The following WDR45B variants were observed in gnomAD, a reference collection of about 807,000 sequenced individuals.
The protein encoded by WDR45B is WD repeat domain phosphoinositide-interacting protein 3.
Under a neutral mutation model 44.6 loss-of-function variants are expected in WDR45B, and 20 were observed. The ratio of observed to expected loss-of-function variants is 0.45; its 90% CI spans 0.32 to 0.65. The LOEUF is 0.65. WDR45B is among the 30% of genes least tolerant of loss of function. WDR45B has a pLI of 0.05. For synonymous variants in WDR45B, 169 were observed against 164.9 expected, an observed-to-expected ratio of 1.02 and a Z score of -0.19; for missense variants, 323 against 430.2, an observed-to-expected ratio of 0.75 and a Z score of 2.20.
Position 82,633,305 on chromosome 17 carries a change from G to A in WDR45B, c.143-2283C>T, listed in dbSNP as rs1051494864. The stretch of plus-strand genomic sequence containing the variant: ...TTACAAACCACACATCTGATACAGT[G>A]CGTAATATCCAGAATATATGAAGGA... On this transcript the variant is annotated intron_variant, in intron 2 of 9. Coordinates refer to ENST00000392325, the MANE Select transcript of WDR45B (RefSeq NM_019613.4). 7.9e-5 allele frequency among the ~76,000 whole-genome samples: 12 copies of A among 152,166 alleles called. No individual in the cohort carries two copies. In the East Asian group the frequency reaches 1.7e-3, roughly 22 times the overall value.
At chr17:82,622,864 A>G (rs2045637644) in intron 5 of WDR45B, among the ~76,000 whole-genome samples, 1 of 152,026 alleles carries the variant, frequency 6.6e-6, no homozygotes, top group African/African-American at 2.4e-5. Flanking sequence ...AAAAGTCCAG[A>G]AAAAAAACCT....
Position 82,619,074 on chromosome 17 carries a change from G to A in WDR45B, c.673C>T (p.Arg225Ter), listed in dbSNP as rs786205510. Residue 225 changes from arginine to a stop codon, truncating the protein, a stop_gained, in exon 7 of 10, where the codon CGA becomes TGA. Coordinates refer to ENST00000392325, the MANE Select transcript of WDR45B (RefSeq NM_019613.4). LOFTEE classifies it high-confidence loss of function. ...TSSGHLIQEL[R>*]RGSQAANIYC... ...ATATTGGCTGCTTGAGATCCTCTTCGCAGTTCCTGGATTAAATGCCCTGAT... is the reference window on the plus strand; with the variant it reads ...ATATTGGCTGCTTGAGATCCTCTTCACAGTTCCTGGATTAAATGCCCTGAT... The A allele has an allele frequency of 2.5e-6, 4 of 1,614,134 alleles. No homozygotes were observed. Among genetic ancestry groups the A allele is most frequent in the South Asian group, 1.1e-5 (1 of 91,084 alleles).
intron 3 of WDR45B, chr17:82,629,549 C>T (rs887968304): frequency 6.1e-6 from 6 of 985,350 alleles, no homozygotes; most frequent in South Asian, 4.7e-5. Flanking sequence ...ATTACAGAAC[C>T]GCTCAAAGGC....
intron 5 of WDR45B, among the ~76,000 whole-genome samples, 161 bp downstream of exon 5, chr17:82,625,228 G>A (rs775048025): frequency 7.2e-5 from 11 of 152,196 alleles, no homozygotes; most frequent in Non-Finnish European, 1.5e-4. Context: ...ATGCTGAGCT[G>A]TGGGTCCTGG....
At chr17:82,645,256 C>A (rs1309192879) in intron 1 of WDR45B, among the ~76,000 whole-genome samples, 1 of 151,606 alleles carries the variant, frequency 6.6e-6, no homozygotes, top group African/African-American at 2.4e-5. Context: ...TCAGATCACG[C>A]CACTGCACTC....
rs773145101 is a variant in WDR45B at position 82,619,113 on chromosome 17, T to C, written c.634A>G (p.Ile212Val). The change falls in exon 7 of 10, where the codon ATA becomes GTA. Residue 212 changes from isoleucine (I) to valine (V), a missense_variant. Ile to Val is a conservative substitution (Grantham distance 29, BLOSUM62 3). Transcript: ENST00000392325. ...AAATGCCCTGATGAAGTATCAAATA[T>C]TCTTATAAGCGTCCCCTTTGAAAAA... ...TASEKGTLIRIFDTSSGHLIQ... is the reference protein window; with the variant it reads ...TASEKGTLIRVFDTSSGHLIQ... The C allele has an allele frequency of 4.3e-6, 7 of 1,614,204 alleles. No homozygotes were observed. In the East Asian group the frequency reaches 1.6e-4, roughly 36 times the overall value.
chr17:82,618,371 A>G (rs1456508551), intron 7 of WDR45B, among the ~76,000 whole-genome samples: 4 of 152,262 alleles, frequency 2.6e-5, no homozygotes, highest in Non-Finnish European at 5.9e-5. Context: ...GGGGGGCTGT[A>G]GGGACACCAC....
chr17:82,623,956 T>C (rs1221182375), intron 5 of WDR45B, among the ~76,000 whole-genome samples: 2 of 151,830 alleles, frequency 1.3e-5, no homozygotes, highest in South Asian at 2.1e-4. Flanking sequence ...TCATAAATCA[T>C]GGATGAGACG....
At chr17:82,632,063 G>C (rs1284992403) in intron 2 of WDR45B, among the ~76,000 whole-genome samples, 3 of 151,556 alleles carry the variant, frequency 2.0e-5, no homozygotes, top group Non-Finnish European at 4.4e-5. Context: ...CCTGGTGACA[G>C]AGCGAGACTC....
chr17:82,630,434 T>TCTA (rs2143314557), intron 3 of WDR45B, among the ~76,000 whole-genome samples: 1 of 152,166 alleles, frequency 6.6e-6, no homozygotes. Context: ...AGGAAAGCTA[T>TCTA]CTACTCCTCC....
intron 1 of WDR45B, among the ~76,000 whole-genome samples, chr17:82,646,997 C>A (rs1188872486): frequency 6.6e-6 from 1 of 152,026 alleles, no homozygotes; most frequent in African/African-American, 2.4e-5. Flanking sequence ...TTTGGGAGGC[C>A]GAGGCGGGTG....
chr17:82,643,518 C>T (rs182532260), intron 2 of WDR45B, among the ~76,000 whole-genome samples: 47 of 152,146 alleles, frequency 3.1e-4, no homozygotes, highest in Middle Eastern at 3.4e-3. Flanking sequence ...AGGGCAGAAC[C>T]AGGACTCAAA....
At chr17:82,647,824 CAG>C (rs2045999485) in intron 1 of WDR45B, among the ~76,000 whole-genome samples, 3 of 151,904 alleles carry the variant, frequency 2.0e-5, no homozygotes, top group African/African-American at 4.8e-5. Context: ...CTGAAAGGAA[CAG>C]GGGGCAAAAC....
At chr17:82,639,692 T>C (rs1384370121) in intron 2 of WDR45B, among the ~76,000 whole-genome samples, 1 of 151,154 alleles carries the variant, frequency 6.6e-6, no homozygotes, top group Non-Finnish European at 1.5e-5. Context: ...GCTGCTGGGC[T>C]GTGTCAGGTC....
At position 82,625,594 on chromosome 17, in the gene WDR45B, A is replaced by G. The variant is rs2045685229; in HGVS notation, c.333-111T>C. The G allele has an allele frequency of 1.5e-5, 17 of 1,097,680 alleles. No homozygotes were observed. In the South Asian group the frequency reaches 2.2e-4, roughly 14 times the overall value. 68.0% of individuals were successfully genotyped at this position (1,097,680 alleles called of 1,614,324 possible). ...GAGAAACACTGAAAATACCACACAG[A>G]AAAGGAGTGTTCCTGAAGAAAAAGC... On this transcript the variant is annotated intron_variant, in intron 4 of 9. Coordinates refer to ENST00000392325, the MANE Select transcript of WDR45B (RefSeq NM_019613.4).
intron 2 of WDR45B, among the ~76,000 whole-genome samples, chr17:82,643,437 G>A (rs561496792): frequency 4.0e-4 from 60 of 149,652 alleles, no homozygotes; most frequent in Admixed American, 1.1e-3. Context: ...CGTCTCGGAA[G>A]AAGGAAAAAA....
chr17:82,646,077 C>G (rs1281745693), intron 1 of WDR45B, among the ~76,000 whole-genome samples: 1 of 150,674 alleles, frequency 6.6e-6, no homozygotes, highest in East Asian at 1.9e-4. Context: ...GCTGAGATCA[C>G]GCCACAGCAC....
chr17:82,646,901 T>C (rs1049455882), intron 1 of WDR45B, among the ~76,000 whole-genome samples: 15 of 152,164 alleles, frequency 9.9e-5, no homozygotes, highest in Admixed American at 6.5e-5. Flanking sequence ...TCCCAGGGCA[T>C]CAGGCATCAA....
At chr17:82,616,786 A>C (rs1229314123) in intron 8 of WDR45B, 141 bp from the exon 9 acceptor site, 1 of 1,102,902 alleles carries the variant, frequency 9.1e-7, no homozygotes, top group Non-Finnish European at 1.3e-6. Flanking sequence ...TTTGCCATGC[A>C]TGACAAAGCC....
Sources: allele counts gnomAD v4.1 joint callset (sites outside exome capture counted in the v4.1 genomes callset), GRCh38; gene constraint gnomAD v4.1.1; transcripts MANE v1.5; gene names NCBI Gene and HGNC (gene_info 2026-07-23, HGNC 2026-07-21).